KAT6A: variants seen among roughly 807,000 people sequenced by gnomAD.
KAT6A encodes histone acetyltransferase KAT6A.
A neutral mutation model predicts 198.4 loss-of-function variants in KAT6A; 9 were observed. The observed-to-expected ratio is 0.05, with a 90% CI of 0.03 to 0.08. The LOEUF (loss-of-function observed/expected upper bound fraction) is 0.08. KAT6A is among the 10% of genes least tolerant of loss of function. KAT6A has a pLI of 1.00. For missense variants in KAT6A, 2,077 were observed against 2,509.9 expected (o/e 0.83, Z 3.69); for synonymous variants, 890 against 883.0 (o/e 1.01, Z -0.14).
chr8:41,977,555 G>A (rs1229260320), intron 6 of KAT6A: 7 of 409,156 alleles, frequency 1.7e-5, no homozygotes, highest in Non-Finnish European at 3.0e-5. Flanking sequence ...GACAGGCCAG[G>A]AGTCAGAAGA....
Position 41,934,818 on chromosome 8 carries a change from C to A in KAT6A, c.3402G>T (p.Lys1134Asn), listed in dbSNP as rs966663426. ...PVSLLRKRDV[K>N]NSPLEPDTST... ...ATGTATCTGGCTCAAGAGGAGAATT[C>A]TTCACATCACGTTTTCGCAAAAGAG... Residue 1134 changes from lysine (K) to asparagine (N), a missense_variant, in exon 17 of 17, where the codon AAG becomes AAT. Physicochemically the swap from Lys to Asn is moderately conservative, Grantham distance 94 (BLOSUM62 0). Coordinates refer to ENST00000265713, the MANE Select transcript of KAT6A (RefSeq NM_006766.5). 6.2e-7 allele frequency: 1 copy of A among 1,613,118 alleles called. No individual in the cohort carries two copies.
intron 2 of KAT6A, among the ~76,000 whole-genome samples, chr8:42,006,266 G>A (rs1328144672): frequency 1.3e-5 from 2 of 152,186 alleles, no homozygotes; most frequent in African/African-American, 4.8e-5. Flanking sequence ...ATGTGTGTGT[G>A]TGCAGGTGCA....
intron 15 of KAT6A, among the ~76,000 whole-genome samples, chr8:41,938,170 A>G (rs1821941616): frequency 6.6e-6 from 1 of 152,230 alleles, no homozygotes; most frequent in Non-Finnish European, 1.5e-5. Flanking sequence ...TATACAACTA[A>G]TATCACAAAA....
chr8:42,006,462 G>C (rs1186116136), intron 2 of KAT6A, among the ~76,000 whole-genome samples: 1 of 152,152 alleles, frequency 6.6e-6, no homozygotes, highest in Non-Finnish European at 1.5e-5. Flanking sequence ...AAATGCTTGG[G>C]ACAAGAAGTG....
chr8:41,934,894 A>C (rs780135693), intron 16 of KAT6A, 27 bp from the exon 17 acceptor site: 1 of 1,543,042 alleles, frequency 6.5e-7, no homozygotes, highest in Non-Finnish European at 8.7e-7. Context: ...AAAAACAAAG[A>C]CAGGTTACAA....
rs758236409 is a variant in KAT6A at position 42,048,506 on chromosome 8, C to T, written c.472G>A (p.Gly158Ser). The change falls in exon 2 of 17, where the codon GGC (glycine) becomes AGC (serine). Residue 158 changes from glycine to serine, a missense_variant. Around this residue, in one of 13 missense-constraint regions of KAT6A, gnomAD observed 185 missense variants for 185.7 expected, o/e 1.00. Transcript: ENST00000265713. ...AGAGGTCCATCTTTAAGGAGTCTGCCGTGGCCAATGGCACGTTTGATAGCC... is the reference window on the plus strand; with the variant it reads ...AGAGGTCCATCTTTAAGGAGTCTGCTGTGGCCAATGGCACGTTTGATAGCC... ...RLAIKRAIGH[G>S]RLLKDGPLYR... 1.9e-6 allele frequency: 3 copies of T among 1,614,126 alleles called. No individual in the cohort carries two copies. Among genetic ancestry groups the T allele is most frequent in the South Asian group, 2.2e-5 (2 of 91,076 alleles).
chr8:41,988,083 T>G (rs954957312), intron 2 of KAT6A, among the ~76,000 whole-genome samples: 1 of 152,218 alleles, frequency 6.6e-6, no homozygotes, highest in African/African-American at 2.4e-5. Flanking sequence ...AAACAACATG[T>G]ACTAAGCATC....
chr8:41,991,277 T>C (rs1824933517), intron 2 of KAT6A, among the ~76,000 whole-genome samples: 1 of 152,218 alleles, frequency 6.6e-6, no homozygotes, highest in African/African-American at 2.4e-5. Flanking sequence ...AGATAAACTG[T>C]GCTGTATTCA....
chr8:42,010,429 T>G (rs1825970058), intron 2 of KAT6A, among the ~76,000 whole-genome samples: 1 of 152,200 alleles, frequency 6.6e-6, no homozygotes, highest in African/African-American at 2.4e-5. Flanking sequence ...TTCTAGGACT[T>G]CAACTTTATC....
intron 8 of KAT6A, among the ~76,000 whole-genome samples, chr8:41,970,897 A>C (rs1328160921): frequency 6.6e-6 from 1 of 152,252 alleles, no homozygotes; most frequent in African/African-American, 2.4e-5. Context: ...CAGCCATAAA[A>C]AAGGATGAGT....
intron 6 of KAT6A, 127 bp from the exon 7 acceptor site, chr8:41,977,454 C>A: frequency 1.7e-6 from 1 of 600,756 alleles, no homozygotes; most frequent in Non-Finnish European, 2.8e-6. Context: ...TAAGAATATT[C>A]TGCAAACTAT....
Position 41,992,807 on chromosome 8 carries a change from T to C in KAT6A, c.601-5244A>G, listed in dbSNP as rs72640401. On this transcript the variant is annotated intron_variant, in intron 2 of 16. Transcript: ENST00000265713. Reference sequence around the variant, plus strand: ...TTACCAAAATTAACATATTTAAGTATAGCAAAGTACTTGGCCAATCTACTA... The same window carrying C: ...TTACCAAAATTAACATATTTAAGTACAGCAAAGTACTTGGCCAATCTACTA... Among the ~76,000 whole-genome samples, 9 of 152,332 alleles carry C rather than the reference T, an allele frequency of 5.9e-5. 1 individual carries two copies. In the South Asian group the frequency reaches 1.4e-3, roughly 25 times the overall value.
Position 41,933,452 on chromosome 8 carries a change from C to G in KAT6A, c.4768G>C (p.Gly1590Arg). ...NSSSQSSCSY[G>R]GLSSSSSLTQ... The stretch of plus-strand genomic sequence containing the variant: ...AGGCTGCTGGAGGACGACAGCCCAC[C>G]GTAGGAGCAGCTGCTCTGGGAAGAG... The change falls in exon 17 of 17, where the codon GGT (glycine) becomes CGT (arginine). Residue 1590 changes from glycine to arginine, a missense_variant. Coordinates refer to ENST00000265713, the MANE Select transcript of KAT6A (RefSeq NM_006766.5). The surrounding 1 kb of genome is among the most constrained non-coding windows in gnomAD (Gnocchi z 6.2). 1 of 1,612,836 alleles carries G rather than the reference C, an allele frequency of 6.2e-7. No homozygotes were observed. The highest frequency in any genetic ancestry group is 8.5e-7 in the Non-Finnish European group (1 of 1,179,270).
chr8:41,972,074 A>C (rs1823821098), intron 8 of KAT6A, among the ~76,000 whole-genome samples: 1 of 152,210 alleles, frequency 6.6e-6, no homozygotes, highest in African/African-American at 2.4e-5. Flanking sequence ...AGGACAGAGG[A>C]GCTTCTAGAA....
intron 15 of KAT6A, among the ~76,000 whole-genome samples, chr8:41,940,480 T>A (rs767637767): frequency 2.0e-5 from 3 of 152,294 alleles, no homozygotes; most frequent in Non-Finnish European, 4.4e-5. Flanking sequence ...ACACTTCTAA[T>A]CTGTACATAC....
rs1257924800 is a variant in KAT6A, at chr8:42,048,773, T to G, written c.205A>C (p.Asn69His). 7 of 1,614,206 alleles carry G rather than the reference T, an allele frequency of 4.3e-6. No individual in the cohort carries two copies. The highest frequency in any genetic ancestry group is 5.9e-6 in the Non-Finnish European group (7 of 1,180,016). The change falls in exon 2 of 17, where the codon AAT becomes CAT. Residue 69 changes from asparagine (N) to histidine (H), a missense_variant. By Grantham distance (68) the Asn-to-His change is moderately conservative. This residue lies in a region of KAT6A where 185 missense variants were observed against 185.7 expected (regional missense o/e 1.00). Coordinates refer to ENST00000265713, the MANE Select transcript of KAT6A (RefSeq NM_006766.5). ...GGATTATCAGGATCTTTATAGGAATTGAGTCCTTTATTTGAGACTTTTAAA... is the reference window on the plus strand; with the variant it reads ...GGATTATCAGGATCTTTATAGGAATGGAGTCCTTTATTTGAGACTTTTAAA... ...TILKVSNKGL[N>H]SYKDPDNPGR...
chr8:42,005,651 G>C (rs775121117), intron 2 of KAT6A, among the ~76,000 whole-genome samples: 1 of 152,268 alleles, frequency 6.6e-6, no homozygotes, highest in South Asian at 2.1e-4. Context: ...GAAGGAGGGG[G>C]AAGAGGAGAA....
At chr8:41,997,824 G>T (rs1825295048) in intron 2 of KAT6A, among the ~76,000 whole-genome samples, 1 of 151,992 alleles carries the variant, frequency 6.6e-6, no homozygotes, top group African/African-American at 2.4e-5. Context: ...TTGTTTCACA[G>T]AACTTGAAAC....
At chr8:41,954,847 A>C (rs1424132271) in intron 9 of KAT6A, among the ~76,000 whole-genome samples, 1 of 152,174 alleles carries the variant, frequency 6.6e-6, no homozygotes, top group Non-Finnish European at 1.5e-5. Context: ...ATTTATATAT[A>C]ATTTTTACAC....
Sources: gnomAD v4.1 joint callset for allele counts (sites outside exome capture counted in the v4.1 genomes callset) on GRCh38, gnomAD v4.1.1 for gene constraint, gnomAD v4.1.1 regional missense constraint, Gnocchi (gnomAD v3.1) non-coding constraint, MANE v1.5 for transcripts, NCBI Gene and HGNC (gene_info 2026-07-23, HGNC 2026-07-21) for gene names.